The following GALNTL6 variants were observed in gnomAD, a reference collection of about 807,000 sequenced individuals.
GALNTL6 encodes polypeptide N-acetylgalactosaminyltransferase-like 6.
GALNTL6 carries 46 observed loss-of-function variants against 73.7 expected under a neutral mutation model. That is an observed-to-expected ratio of 0.62 (90% CI 0.49 to 0.80). The LOEUF (loss-of-function observed/expected upper bound fraction) is 0.80. Among genes scored for constraint, GALNTL6 ranks in the 30% least tolerant of loss-of-function variants. The pLI is 0.00. For synonymous variants in GALNTL6, 259 were observed against 263.7 expected (o/e 0.98, Z 0.17); for missense variants, 604 against 755.0 (o/e 0.80, Z 2.34).
intron 2 of GALNTL6, among the ~76,000 whole-genome samples, chr4:171,905,176 T>C (rs1321275583): frequency 2.6e-5 from 4 of 151,786 alleles, no homozygotes; most frequent in Non-Finnish European, 5.9e-5. Flanking sequence ...GACTAAATGC[T>C]CCAATTAAAA....
intron 2 of GALNTL6, among the ~76,000 whole-genome samples, chr4:171,933,257 A>C (rs1738242500): frequency 6.6e-6 from 1 of 152,190 alleles, no homozygotes; most frequent in Admixed American, 6.5e-5. Flanking sequence ...TTAATACGGT[A>C]ATTTGAGCTC....
chr4:172,446,584 GT>G (rs202185404), intron 5 of GALNTL6, among the ~76,000 whole-genome samples: 2 of 151,814 alleles, frequency 1.3e-5, no homozygotes, highest in African/African-American at 4.8e-5. Context: ...AGAAACAAGT[GT>G]TTTTTTTCTG....
chr4:172,699,324 A>G (rs1733888876), intron 5 of GALNTL6, among the ~76,000 whole-genome samples: 1 of 152,148 alleles, frequency 6.6e-6, no homozygotes, highest in Non-Finnish European at 1.5e-5. Context: ...TTTATTTTTC[A>G]TAAATGTATG....
chr4:172,134,149 C>T (rs1373886941), intron 2 of GALNTL6, among the ~76,000 whole-genome samples: 3 of 151,904 alleles, frequency 2.0e-5, no homozygotes, highest in South Asian at 4.2e-4. Context: ...TTTGGGAGGC[C>T]GAGGCGGGCA....
intron 5 of GALNTL6, among the ~76,000 whole-genome samples, chr4:172,535,659 T>G (rs1281504965): frequency 6.6e-6 from 1 of 152,150 alleles, no homozygotes; most frequent in African/African-American, 2.4e-5. Context: ...TATGTACATC[T>G]CAGTACATTC....
At chr4:172,558,630 A>G (rs1408491159) in intron 5 of GALNTL6, among the ~76,000 whole-genome samples, 2 of 152,130 alleles carry the variant, frequency 1.3e-5, no homozygotes, top group South Asian at 2.1e-4. Context: ...GAGGTAATAC[A>G]TTTATGTTGT....
intron 5 of GALNTL6, among the ~76,000 whole-genome samples, chr4:172,696,631 C>T (rs1733713057): frequency 6.6e-6 from 1 of 152,084 alleles, no homozygotes; most frequent in Non-Finnish European, 1.5e-5. Flanking sequence ...AGGGGAGTTC[C>T]CCTGCATACA....
intron 7 of GALNTL6, among the ~76,000 whole-genome samples, chr4:172,835,674 A>G (rs550239608): frequency 9.8e-5 from 15 of 152,316 alleles, no homozygotes; most frequent in African/African-American, 3.6e-4. Context: ...GAGAGTAGCA[A>G]GAAGCCGAAT....
intron 3 of GALNTL6, among the ~76,000 whole-genome samples, chr4:172,281,428 T>A (rs2111079844): frequency 6.6e-6 from 1 of 151,974 alleles, no homozygotes; most frequent in South Asian, 2.1e-4. Flanking sequence ...AGGCGTGATG[T>A]TCACGCCTGT....
At chr4:172,187,267 G>T (rs942430094) in intron 2 of GALNTL6, among the ~76,000 whole-genome samples, 2 of 151,906 alleles carry the variant, frequency 1.3e-5, no homozygotes, top group African/African-American at 4.8e-5. Flanking sequence ...ATCTATCAGG[G>T]TAAATGTTTA....
chr4:172,786,830 T>C (rs1739679046), intron 5 of GALNTL6, among the ~76,000 whole-genome samples: 1 of 152,246 alleles, frequency 6.6e-6, no homozygotes, highest in South Asian at 2.1e-4. Flanking sequence ...TTTATTGATG[T>C]AATTTCTATT....
At chr4:172,495,864 A>G (rs918421263) in intron 5 of GALNTL6, among the ~76,000 whole-genome samples, 1 of 152,132 alleles carries the variant, frequency 6.6e-6, no homozygotes, top group Admixed American at 6.5e-5. Context: ...AAAATTAAAG[A>G]TGGTTCTACT....
chr4:172,230,575 G>GGA (rs1737026614), intron 3 of GALNTL6, among the ~76,000 whole-genome samples: 1 of 148,382 alleles, frequency 6.7e-6, no homozygotes, highest in Non-Finnish European at 1.5e-5. Context: ...GTGAGACTCC[G>GGA]TTTCAAAAAA....
At chr4:172,750,069 T>C (rs1035476158) in intron 5 of GALNTL6, among the ~76,000 whole-genome samples, 2 of 152,186 alleles carry the variant, frequency 1.3e-5, no homozygotes, top group African/African-American at 4.8e-5. Flanking sequence ...AATTTCACAA[T>C]CTTTTAAAAA....
At position 172,338,572 on chromosome 4, in the gene GALNTL6, GC is replaced by G. The variant is rs1415829001; in HGVS notation, c.387-9949del. On this transcript the variant is annotated intron_variant, in intron 4 of 12. Transcript: ENST00000506823. ...CTTCTGTTGGGTGGTTTTATATTGG[GC>G]CATGCAGTTCAAGCTCCGGGCCAGT... Among the ~76,000 whole-genome samples, 4 of 152,180 alleles carry G rather than the reference GC, an allele frequency of 2.6e-5. No homozygotes were observed. In the East Asian group the frequency reaches 7.7e-4, roughly 29 times the overall value.
intron 5 of GALNTL6, among the ~76,000 whole-genome samples, chr4:172,686,992 A>G (rs1732954003): frequency 6.6e-6 from 1 of 152,170 alleles, no homozygotes; most frequent in Non-Finnish European, 1.5e-5. Context: ...CACAATCCCC[A>G]TTCTCCAGGG....
chr4:172,748,220 C>A (rs986722371), intron 5 of GALNTL6, among the ~76,000 whole-genome samples: 7 of 152,086 alleles, frequency 4.6e-5, no homozygotes, highest in Admixed American at 3.3e-4. Context: ...TGAGGGTGGA[C>A]GGAGCCTCTC....
intron 8 of GALNTL6, among the ~76,000 whole-genome samples, chr4:172,892,589 GT>G (rs1029946687): frequency 6.1e-4 from 89 of 146,036 alleles, no homozygotes; most frequent in African/African-American, 2.0e-3. Context: ...TGTCGGCTTT[GT>G]TCATATTTTT....
intron 7 of GALNTL6, among the ~76,000 whole-genome samples, chr4:172,823,387 T>C (rs1013383145): frequency 4.6e-5 from 7 of 152,210 alleles, no homozygotes; most frequent in Non-Finnish European, 1.0e-4. Context: ...GTAAACTCCA[T>C]AAGGGCAGGG....
Sources: allele counts gnomAD v4.1 joint callset (sites outside exome capture counted in the v4.1 genomes callset), GRCh38; gene constraint gnomAD v4.1.1; transcripts MANE v1.5; gene names NCBI Gene and HGNC (gene_info 2026-07-23, HGNC 2026-07-21).